Variants in ADGRF4 observed in about 807,000 individuals in gnomAD.
The protein encoded by ADGRF4 is adhesion G protein-coupled receptor F4, also known as G-protein coupled receptor PGR18.
Under a neutral mutation model 58.5 loss-of-function variants are expected in ADGRF4, and 63 were observed. That is an observed-to-expected ratio of 1.08 (90% CI 0.88 to 1.33). The LOEUF is 1.33. Among genes scored for constraint, ADGRF4 ranks in the 40% most tolerant of loss-of-function variants. ADGRF4 has a pLI of 0.00. For missense variants in ADGRF4, 931 were observed against 843.9 expected (o/e 1.10, Z -1.28); for synonymous variants, 313 against 295.4 (o/e 1.06, Z -0.61).
rs556562848 is a variant in ADGRF4, at chr6:47,706,649, G to A, written c.-16-581G>A. Among the ~76,000 whole-genome samples, 60 of 152,326 alleles carry A rather than the reference G, an allele frequency of 3.9e-4. No individual in the cohort carries two copies. In the South Asian group the frequency reaches 0.012, roughly 30 times the overall value. On this transcript the variant is annotated intron_variant, in intron 1 of 9. Transcript: ENST00000283303. ...GGACAGCCCCCAACAGCAAAGAATT[G>A]TCCAATCCAGAATGTCAATAGCACC...
chr6:47,714,157 AG>A lies in ADGRF4; in HGVS notation c.913del (p.Ala305ProfsTer6), dbSNP rs1364343622. On this transcript the variant is annotated frameshift_variant, in exon 6 of 10. Coordinates refer to ENST00000283303, the MANE Select transcript of ADGRF4 (RefSeq NM_153838.5). LOFTEE classifies it high-confidence loss of function. ...FPTLGAILRE[A>X]HLQNVSLPRQ... The stretch of plus-strand genomic sequence containing the variant: ...CAACCTTGGGGGCTATCCTGAGAGA[AG>A]CCCACTTGCAAAATGTGAGTCTTCC... 6.2e-7 allele frequency: 1 copy of A among 1,613,854 alleles called. No homozygotes were observed. The highest frequency in any genetic ancestry group is 8.5e-7 in the Non-Finnish European group (1 of 1,179,964).
At chr6:47,712,629 A>T (rs1771901975) in intron 5 of ADGRF4, 21 bp downstream of exon 5, 1 of 1,543,012 alleles carries the variant, frequency 6.5e-7, no homozygotes, top group Non-Finnish European at 8.9e-7. Flanking sequence ...TTAATCATTT[A>T]AAAATGATGT....
At chr6:47,702,699 G>A (rs894299112) in intron 1 of ADGRF4, among the ~76,000 whole-genome samples, 20 of 152,208 alleles carry the variant, frequency 1.3e-4, no homozygotes, top group Non-Finnish European at 2.1e-4. Context: ...CCAACAAAGT[G>A]TTTTTCTGCC....
chr6:47,711,914 G>A (rs983039553), intron 4 of ADGRF4, among the ~76,000 whole-genome samples: 5 of 152,166 alleles, frequency 3.3e-5, no homozygotes, highest in Non-Finnish European at 5.9e-5. Flanking sequence ...CATTCTGAGT[G>A]AGTCTAGGTA....
intron 1 of ADGRF4, among the ~76,000 whole-genome samples, chr6:47,703,897 A>C (rs934742222): frequency 6.6e-6 from 1 of 152,210 alleles, no homozygotes; most frequent in African/African-American, 2.4e-5. Flanking sequence ...GCCTAGCACT[A>C]GTTGGAGAGA....
At chr6:47,709,346 T>C (rs532254841) in intron 3 of ADGRF4, among the ~76,000 whole-genome samples, 1 of 152,352 alleles carries the variant, frequency 6.6e-6, no homozygotes, top group East Asian at 1.9e-4. Context: ...AATAAAGTTT[T>C]TTCGGAACAT....
chr6:47,699,705 G>A (rs1771541938), intron 1 of ADGRF4, among the ~76,000 whole-genome samples: 1 of 152,162 alleles, frequency 6.6e-6, no homozygotes, highest in South Asian at 2.1e-4. Flanking sequence ...GGCTCTATGT[G>A]AAGCATTTCT....
chr6:47,708,614 A>G (rs1013992273), intron 3 of ADGRF4, among the ~76,000 whole-genome samples: 1 of 152,224 alleles, frequency 6.6e-6, no homozygotes, highest in African/African-American at 2.4e-5. Flanking sequence ...TCATTCAAAG[A>G]TATTTTCAGG....
chr6:47,707,194 A>G (rs1408014674), intron 1 of ADGRF4, 36 bp from the exon 2 acceptor site: 1 of 1,143,560 alleles, frequency 8.7e-7, no homozygotes, highest in African/African-American at 1.5e-5. Context: ...TGAAGTTGTC[A>G]CCTTCAGGTG....
rs180850933 is a variant in ADGRF4, at chr6:47,719,598, C to T, written c.*3+1153C>T. ...CACAGCTGGCCTTTCTATTAAGGTC[C>T]TACTTAAAGAACCGCTTGTTTTAGG... On this transcript the variant is annotated intron_variant, in intron 9 of 9. Transcript: ENST00000283303. 7.9e-4 allele frequency among the ~76,000 whole-genome samples: 121 copies of T among 152,202 alleles called. No individual in the cohort carries two copies. In the South Asian group the frequency reaches 8.9e-3, roughly 11 times the overall value.
intron 1 of ADGRF4, among the ~76,000 whole-genome samples, chr6:47,703,861 C>T (rs115528890): frequency 2.4e-4 from 37 of 152,250 alleles, no homozygotes; most frequent in Middle Eastern, 3.4e-3. Flanking sequence ...TCCCTGAACA[C>T]GTTCAGGAGC....
intron 1 of ADGRF4, among the ~76,000 whole-genome samples, chr6:47,702,867 G>T (rs1402577274): frequency 6.6e-6 from 1 of 152,208 alleles, no homozygotes; most frequent in African/African-American, 2.4e-5. Flanking sequence ...CATAGGATAG[G>T]ATCTAGCACT....
chr6:47,713,770 G>T (rs1771928638), intron 5 of ADGRF4, 28 bp from the exon 6 acceptor site: 1 of 1,491,902 alleles, frequency 6.7e-7, no homozygotes, highest in Admixed American at 2.4e-5. Flanking sequence ...TAAATCCTTA[G>T]TATAATGTTC....
intron 6 of ADGRF4, among the ~76,000 whole-genome samples, chr6:47,715,797 A>G (rs1771999515): frequency 6.6e-6 from 1 of 152,216 alleles, no homozygotes; most frequent in Non-Finnish European, 1.5e-5. Flanking sequence ...TAAACATCAA[A>G]GTATTCCTAT....
chr6:47,707,357 T>C lies in ADGRF4; in HGVS notation c.93+19T>C, dbSNP rs1771740219. On this transcript the variant is annotated intron_variant, in intron 2 of 9. Transcript: ENST00000283303. Reference sequence around the variant, plus strand: ...CCTAAAAGTAAGTTTGATCTATTCCTATGTGATCCGAGGAGAAATCTCTCA... The same window carrying C: ...CCTAAAAGTAAGTTTGATCTATTCCCATGTGATCCGAGGAGAAATCTCTCA... 1 of 1,434,186 alleles carries C rather than the reference T, an allele frequency of 7.0e-7. No homozygotes were observed. Among genetic ancestry groups the C allele is most frequent in the South Asian group, 1.1e-5 (1 of 87,274 alleles). 88.8% of individuals were successfully genotyped at this position (1,434,186 alleles called of 1,614,324 possible).
At chr6:47,720,460 C>T (rs1772132618) in intron 9 of ADGRF4, among the ~76,000 whole-genome samples, 1 of 152,158 alleles carries the variant, frequency 6.6e-6, no homozygotes, top group African/African-American at 2.4e-5. Flanking sequence ...GGGGACACTC[C>T]TCATATCCCA....
chr6:47,700,867 G>A (rs1771573580), intron 1 of ADGRF4, among the ~76,000 whole-genome samples: 1 of 152,184 alleles, frequency 6.6e-6, no homozygotes, highest in Non-Finnish European at 1.5e-5. Flanking sequence ...TACAACAAAT[G>A]TTTACTGAGT....
chr6:47,707,256 A>T lies in ADGRF4; in HGVS notation c.11A>T (p.Lys4Met). The change falls in exon 2 of 10, where the codon AAG becomes ATG. Residue 4 changes from lysine (K) to methionine (M), a missense_variant. Transcript: ENST00000283303. ...TGAAGATCCTCATGTATGAAAATGA[A>T]GTCCCAGGCAACCATGATTTGCTGC... MKM[K>M]SQATMICCLV... is the part of the protein sequence containing the mutation. 6.2e-7 allele frequency: 1 copy of T among 1,610,302 alleles called. No homozygotes were observed. Among genetic ancestry groups the T allele is most frequent in the Non-Finnish European group, 8.5e-7 (1 of 1,176,548 alleles).
intron 1 of ADGRF4, among the ~76,000 whole-genome samples, chr6:47,703,322 C>G (rs921878209): frequency 5.3e-5 from 8 of 152,190 alleles, no homozygotes; most frequent in African/African-American, 1.9e-4. Context: ...ATTCTTCATT[C>G]TCAGAATCCT....
Sources: gnomAD v4.1 joint callset for allele counts (sites outside exome capture counted in the v4.1 genomes callset) on GRCh38, gnomAD v4.1.1 for gene constraint, MANE v1.5 for transcripts, NCBI Gene and HGNC (gene_info 2026-07-23, HGNC 2026-07-21) for gene names.